The following CPA3 variants were observed in gnomAD, a reference collection of about 807,000 sequenced individuals.
The protein encoded by CPA3 is mast cell carboxypeptidase A.
In CPA3, 52 loss-of-function variants were observed where a neutral mutation model predicts 55.8. The observed-to-expected ratio is 0.93, with a 90% CI of 0.75 to 1.17. CPA3 has a LOEUF of 1.17. Ranked by LOEUF, CPA3 falls within the 50% of genes most tolerant of loss-of-function variation. CPA3 has a pLI of 0.00. For synonymous variants in CPA3, 179 were observed against 171.2 expected, an observed-to-expected ratio of 1.05 and a Z score of -0.36; for missense variants, 547 against 509.1, an observed-to-expected ratio of 1.07 and a Z score of -0.72.
intron 9 of CPA3, among the ~76,000 whole-genome samples, chr3:148,885,155 T>A (rs956265384): frequency 1.3e-5 from 2 of 152,080 alleles, no homozygotes; most frequent in African/African-American, 4.8e-5. Flanking sequence ...CTTCCCTTGG[T>A]ATGCTGAAGT....
rs1486707442 is a variant in CPA3, at chr3:148,896,853, C to T, written c.*146C>T. On this transcript the variant is annotated 3_prime_UTR_variant, in exon 11 of 11. Coordinates refer to ENST00000296046, the MANE Select transcript of CPA3 (RefSeq NM_001870.4). The stretch of plus-strand genomic sequence containing the variant: ...TTAAGTCCCATGTTACTGCTGTTTG[C>T]TTTTACTTACTTTCAGTAGCACCAT... The T allele has an allele frequency of 3.4e-6, 2 of 585,836 alleles. No individual in the cohort carries two copies. Among genetic ancestry groups the T allele is most frequent in the Middle Eastern group, 4.8e-4 (1 of 2,062 alleles). The allele number at this position is 585,836 out of a possible 1,614,324, so 36.3% of individuals were successfully genotyped here. A position where few individuals can be genotyped will look rare whatever the true frequency, so the allele number is the denominator to read the frequency against.
intron 10 of CPA3, among the ~76,000 whole-genome samples, chr3:148,889,984 T>A (rs992718941): frequency 6.6e-6 from 1 of 151,752 alleles, no homozygotes; most frequent in African/African-American, 2.4e-5. Context: ...GGCACTCAAT[T>A]TTTTTTTAAG....
intron 2 of CPA3, among the ~76,000 whole-genome samples, chr3:148,866,558 A>T (rs751731298): frequency 2.6e-5 from 4 of 152,222 alleles, no homozygotes; most frequent in Non-Finnish European, 4.4e-5. Context: ...CTTCAAAGTC[A>T]AACGCTTACA....
chr3:148,889,251 A>G (rs547512519), intron 10 of CPA3, among the ~76,000 whole-genome samples: 97 of 152,160 alleles, frequency 6.4e-4, no homozygotes, highest in Non-Finnish European at 1.3e-3. Flanking sequence ...TGGTAAGAAT[A>G]AAAAATAAAA....
At chr3:148,891,740 A>C (rs1714676597) in intron 10 of CPA3, among the ~76,000 whole-genome samples, 1 of 152,202 alleles carries the variant, frequency 6.6e-6, no homozygotes, top group African/African-American at 2.4e-5. Context: ...TAAATCTCTC[A>C]AAATAGAATA....
chr3:148,879,846 G>A lies in CPA3; in HGVS notation c.533G>A (p.Arg178Gln), dbSNP rs753425662. The change falls in exon 6 of 11, where the codon CGA (arginine) becomes CAA (glutamine). Residue 178 changes from arginine to glutamine, a missense_variant. Physicochemically the swap from Arg to Gln is conservative, Grantham distance 43 (BLOSUM62 1). Transcript: ENST00000296046. ...AIFTDCGIHA[R>Q]EWVSPAFCQW... ...TTTACGGATTGTGGCATTCACGCAC[G>A]AGAATGGGTCTCCCCAGCATTCTGC... 1.9e-5 allele frequency: 30 copies of A among 1,612,752 alleles called. 1 individual carries two copies. The highest frequency in any genetic ancestry group is 1.4e-4 in the South Asian group (13 of 91,024).
chr3:148,876,017 T>G (rs1029397672), intron 3 of CPA3, among the ~76,000 whole-genome samples: 2 of 151,980 alleles, frequency 1.3e-5, no homozygotes, highest in African/African-American at 4.8e-5. Context: ...AATTAGAAAG[T>G]ATAGATATTG....
intron 1 of CPA3, 41 bp from the exon 2 acceptor site, chr3:148,865,432 C>G (rs773505321): frequency 1.2e-6 from 2 of 1,613,090 alleles, no homozygotes; most frequent in South Asian, 2.2e-5. Flanking sequence ...AAGGTTGTTT[C>G]CTTACAGTTC....
chr3:148,868,528 G>A (rs938594284), intron 2 of CPA3, among the ~76,000 whole-genome samples: 2 of 152,072 alleles, frequency 1.3e-5, no homozygotes, highest in African/African-American at 4.8e-5. Context: ...CAGGTTTTGA[G>A]GACTAACTAA....
intron 3 of CPA3, among the ~76,000 whole-genome samples, chr3:148,876,331 A>T (rs1314973133): frequency 6.6e-6 from 1 of 151,852 alleles, no homozygotes; most frequent in Non-Finnish European, 1.5e-5. Context: ...TCTATCAAAA[A>T]ATCCCATTTT....
intron 3 of CPA3, among the ~76,000 whole-genome samples, chr3:148,876,135 G>C (rs1714195075): frequency 6.6e-6 from 1 of 151,224 alleles, no homozygotes; most frequent in Admixed American, 6.6e-5. Flanking sequence ...CAAAGTAAAT[G>C]GTTTTTTAAT....
intron 10 of CPA3, among the ~76,000 whole-genome samples, chr3:148,887,953 C>T (rs1714578410): frequency 6.6e-6 from 1 of 152,164 alleles, no homozygotes; most frequent in Non-Finnish European, 1.5e-5. Context: ...ATTAAGCCTG[C>T]ATCACTCTCT....
intron 7 of CPA3, among the ~76,000 whole-genome samples, chr3:148,882,063 C>A (rs1714387894): frequency 6.6e-6 from 1 of 151,990 alleles, no homozygotes; most frequent in Non-Finnish European, 1.5e-5. Flanking sequence ...ATTTTATTAT[C>A]CTGCTTTTGC....
At chr3:148,891,790 C>T (rs540498466) in intron 10 of CPA3, among the ~76,000 whole-genome samples, 1 of 152,260 alleles carries the variant, frequency 6.6e-6, no homozygotes, top group African/African-American at 2.4e-5. Context: ...GCAGTTTACT[C>T]GACTGCAAAT....
chr3:148,896,591 C>A lies in CPA3; in HGVS notation c.1138C>A (p.Arg380=). ...CAAACACACATTTGCCTTTGAGCTC[C>A]GAGATAAAGGCAAATTTGGTTTTCT... ...GIKHTFAFEL[R]DKGKFGFLLP... The change falls in exon 11 of 11, where the codon CGA becomes AGA. Residue 380 remains arginine (R), a synonymous_variant. Transcript: ENST00000296046. The A allele has an allele frequency of 6.3e-7, 1 of 1,586,990 alleles. No homozygotes were observed. The highest frequency in any genetic ancestry group is 8.6e-7 in the Non-Finnish European group (1 of 1,159,574).
rs1289038549 is a variant in CPA3 at position 148,876,089 on chromosome 3, A to G, written c.270-2352A>G. On this transcript the variant is annotated intron_variant, in intron 3 of 10. Coordinates refer to ENST00000296046, the MANE Select transcript of CPA3 (RefSeq NM_001870.4). Reference sequence around the variant, plus strand: ...AACTAAAATTCTTAAAAGTATAAAGATAGTTTTTTAATCTAATAAAATAGC... The same window carrying G: ...AACTAAAATTCTTAAAAGTATAAAGGTAGTTTTTTAATCTAATAAAATAGC... Among the ~76,000 whole-genome samples the G allele has an allele frequency of 2.0e-5, 3 of 151,994 alleles. No individual in the cohort carries two copies. In the East Asian group the frequency reaches 5.8e-4, roughly 29 times the overall value.
intron 10 of CPA3, among the ~76,000 whole-genome samples, chr3:148,891,689 C>T (rs1714675749): frequency 6.6e-6 from 1 of 152,062 alleles, no homozygotes; most frequent in Non-Finnish European, 1.5e-5. Context: ...CATATATTCT[C>T]AATCACCACT....
At chr3:148,889,303 T>TTAAC (rs1714609511) in intron 10 of CPA3, among the ~76,000 whole-genome samples, 1 of 152,182 alleles carries the variant, frequency 6.6e-6, no homozygotes, top group South Asian at 2.1e-4. Context: ...TGATTGTCAC[T>TTAAC]TAACATGTCC....
At chr3:148,891,124 C>T (rs1453354105) in intron 10 of CPA3, among the ~76,000 whole-genome samples, 2 of 152,076 alleles carry the variant, frequency 1.3e-5, no homozygotes, top group Non-Finnish European at 2.9e-5. Flanking sequence ...CTCTCTGAGC[C>T]TAGGTTTCTT....
Sources: allele counts gnomAD v4.1 joint callset (sites outside exome capture counted in the v4.1 genomes callset), GRCh38; gene constraint gnomAD v4.1.1; transcripts MANE v1.5; gene names NCBI Gene and HGNC (gene_info 2026-07-23, HGNC 2026-07-21).